The following CFAP54 variants were observed in gnomAD, a reference collection of about 807,000 sequenced individuals.
CFAP54 encodes the protein cilia and flagella associated protein 54, also known as cilia- and flagella-associated protein 54.
A neutral mutation model predicts 370.4 loss-of-function variants in CFAP54; 290 were observed. The observed-to-expected ratio is 0.78, with a 90% CI of 0.71 to 0.86. The LOEUF (loss-of-function observed/expected upper bound fraction) is 0.86, where lower values mean the gene tolerates loss of function less well. Among genes scored for constraint, CFAP54 ranks in the 40% least tolerant of loss-of-function variants. The probability of loss-of-function intolerance (pLI) is 0.00; values close to 1 mark genes in which losing one functional copy is unlikely to be tolerated. For synonymous variants in CFAP54, 1,206 were observed against 1,236.5 expected, an observed-to-expected ratio of 0.98 and a Z score of 0.52; for missense variants, 3,399 against 3,528.7, an observed-to-expected ratio of 0.96 and a Z score of 0.93.
At chr12:96,510,778 A>G (rs1267123661) in intron 4 of CFAP54, among the ~76,000 whole-genome samples, 1 of 152,040 alleles carries the variant, frequency 6.6e-6, no homozygotes, top group South Asian at 2.1e-4. Context: ...CCTGGCCAAC[A>G]TGGCAAGACC....
chr12:96,784,749 A>G lies in CFAP54; in HGVS notation c.8314A>G (p.Thr2772Ala). 1 of 1,528,998 alleles carries G rather than the reference A, an allele frequency of 6.5e-7. No homozygotes were observed. The highest frequency in any genetic ancestry group is 8.7e-7 in the Non-Finnish European group (1 of 1,143,874). The allele number at this position is 1,528,998 out of a possible 1,614,324, so 94.7% of individuals were successfully genotyped here. The change falls in exon 61 of 68, where the codon ACA becomes GCA. Residue 2772 changes from threonine to alanine, a missense_variant. Around this residue, in one of 3 missense-constraint regions of CFAP54, gnomAD observed 2,796 missense variants for 2,869.7 expected, o/e 0.97. Coordinates refer to ENST00000524981, the MANE Select transcript of CFAP54 (RefSeq NM_001306084.2). ...NYQVLFQTSC[T>A]FLYQNDDVCD... ...CCAAGTCCTCTTCCAGACTTCCTGT[A>G]CATTTTTGTACCAAAATGATGATGT...
chr12:96,734,559 T>C (rs1957958786), intron 50 of CFAP54, among the ~76,000 whole-genome samples: 1 of 152,230 alleles, frequency 6.6e-6, no homozygotes, highest in South Asian at 2.1e-4. Context: ...TGCACTGTTA[T>C]TATCATCATT....
intron 67 of CFAP54, among the ~76,000 whole-genome samples, chr12:96,862,601 C>T (rs1376595903): frequency 6.6e-6 from 1 of 151,928 alleles, no homozygotes; most frequent in Non-Finnish European, 1.5e-5. Flanking sequence ...GGGAAAGAAA[C>T]AAAAGACAAG....
rs79243375 is a variant in CFAP54 at position 96,684,987 on chromosome 12, G to A, written c.5805-42G>A. On this transcript the variant is annotated intron_variant, in intron 41 of 67. Coordinates refer to ENST00000524981, the MANE Select transcript of CFAP54 (RefSeq NM_001306084.2). ...TTCTGGAAGATAGATTTAATAATGG[G>A]TCTCAGAAAACTTACTGCTTGATGC... 3.4e-3 allele frequency: 5,329 copies of A among 1,580,622 alleles called. 172 individuals are homozygous for A. The African/African-American group carries it at 0.064, about 19-fold the overall frequency.
intron 45 of CFAP54, among the ~76,000 whole-genome samples, chr12:96,699,338 C>T (rs1020612434): frequency 6.6e-5 from 10 of 152,084 alleles, no homozygotes; most frequent in Admixed American, 2.0e-4. Flanking sequence ...CAAGGAAGTT[C>T]GCGTGAGACA....
Position 96,765,233 on chromosome 12 carries a change from C to G in CFAP54, c.8281+15C>G. On this transcript the variant is annotated intron_variant, in intron 60 of 67. Coordinates refer to ENST00000524981, the MANE Select transcript of CFAP54 (RefSeq NM_001306084.2). ...TTATTTGCTTGGTATGTTTGGATGTCTACATATTATGCAAAAAAACTGATA... is the reference window on the plus strand; with the variant it reads ...TTATTTGCTTGGTATGTTTGGATGTGTACATATTATGCAAAAAAACTGATA... 1.4e-6 allele frequency: 2 copies of G among 1,461,598 alleles called. No individual in the cohort carries two copies. Among genetic ancestry groups the G allele is most frequent in the South Asian group, 1.6e-5 (1 of 62,536 alleles). 90.5% of individuals were successfully genotyped at this position (1,461,598 alleles called of 1,614,324 possible).
At chr12:96,652,420 C>G (rs1181766330) in intron 36 of CFAP54, among the ~76,000 whole-genome samples, 2 of 152,118 alleles carry the variant, frequency 1.3e-5, no homozygotes, top group African/African-American at 2.4e-5. Flanking sequence ...GGTTTTTACA[C>G]TTTATATAAA....
chr12:96,642,404 G>T (rs904242430), intron 32 of CFAP54, among the ~76,000 whole-genome samples: 1 of 152,162 alleles, frequency 6.6e-6, no homozygotes, highest in African/African-American at 2.4e-5. Flanking sequence ...GCTGGGAAAT[G>T]TATTTGTTCA....
Position 96,533,908 on chromosome 12 carries a change from G to T in CFAP54, c.1474G>T (p.Ala492Ser). The change falls in exon 10 of 68, where the codon GCT (alanine) becomes TCT (serine). Residue 492 changes from alanine (A) to serine (S), a missense_variant. By Grantham distance (99) the Ala-to-Ser change is moderately conservative (BLOSUM62 1). Around this residue, in one of 3 missense-constraint regions of CFAP54, gnomAD observed 44 missense variants for 82.3 expected, o/e 0.53. Transcript: ENST00000524981. ...TGCTGCTGTGAAATTTATAAAATTA[G>T]CTTTTACCTATGAGGAGTGGAGTTT... ...VDAAVKFIKLAFTYEEWSLFE... is the reference protein window; with the variant it reads ...VDAAVKFIKLSFTYEEWSLFE... 6.5e-7 allele frequency: 1 copy of T among 1,535,066 alleles called. No individual in the cohort carries two copies. The highest frequency in any genetic ancestry group is 1.2e-5 in the South Asian group (1 of 83,900).
At chr12:96,524,472 A>G (rs1321312854) in intron 8 of CFAP54, among the ~76,000 whole-genome samples, 1 of 151,934 alleles carries the variant, frequency 6.6e-6, no homozygotes, top group African/African-American at 2.4e-5. Context: ...TATTAATTCA[A>G]CAACCATATA....
intron 47 of CFAP54, among the ~76,000 whole-genome samples, chr12:96,705,198 A>G (rs1957534776): frequency 1.3e-5 from 2 of 151,962 alleles, no homozygotes; most frequent in Admixed American, 6.5e-5. Context: ...ATATATACAC[A>G]TGGTTTTTAT....
chr12:96,540,984 C>G lies in CFAP54; in HGVS notation c.2074C>G (p.Leu692Val). 1 of 1,492,170 alleles carries G rather than the reference C, an allele frequency of 6.7e-7. No individual in the cohort carries two copies. Among genetic ancestry groups the G allele is most frequent in the South Asian group, 1.3e-5 (1 of 74,216 alleles). The allele number at this position is 1,492,170 out of a possible 1,614,324, so 92.4% of individuals were successfully genotyped here. ...CCCAGGAAGAAAATTTAAACAATCT[C>G]TAGGTAAAATGTTGGCTGAAAAATT... ...GSPGRKFKQSLDVPLREGTNK... is the reference protein window; with the variant it reads ...GSPGRKFKQSVDVPLREGTNK... The change falls in exon 14 of 68, where the codon CTA becomes GTA. Residue 692 changes from leucine to valine, a missense_variant. Leu to Val is a conservative substitution (Grantham distance 32). Coordinates refer to ENST00000524981, the MANE Select transcript of CFAP54 (RefSeq NM_001306084.2).
chr12:96,621,875 GTTTTTTTTTTTT>G (rs71068819), intron 27 of CFAP54, among the ~76,000 whole-genome samples, 154 bp downstream of exon 27: 10 of 50,034 alleles, frequency 2.0e-4, no homozygotes, highest in Middle Eastern at 0.026. Context: ...TTTTGGGTTT[GTTTTTTTTTTTT>G]TTTTTTTTTT....
In CFAP54 at chr12:96,827,670, T is replaced by G. The variant is rs552886990; in HGVS notation, c.9097-1344T>G. On this transcript the variant is annotated intron_variant, in intron 65 of 67. Transcript: ENST00000524981. Reference sequence around the variant, plus strand: ...ATACATAGTAATATATTATATTATGTATAATTATATATGATACATAGTAAT... The same window carrying G: ...ATACATAGTAATATATTATATTATGGATAATTATATATGATACATAGTAAT... Among the ~76,000 whole-genome samples the G allele has an allele frequency of 1.2e-4, 15 of 130,124 alleles. No individual in the cohort carries two copies. The Admixed American group carries it at 1.2e-3, about 11-fold the overall frequency. 85.4% of individuals were successfully genotyped at this position (130,124 alleles called of 152,430 possible).
intron 63 of CFAP54, among the ~76,000 whole-genome samples, chr12:96,805,509 G>T (rs1592773258): frequency 6.7e-6 from 1 of 148,746 alleles, no homozygotes; most frequent in South Asian, 2.1e-4. Context: ...TCAGAGGAAT[G>T]AATATTAAAA....
intron 17 of CFAP54, among the ~76,000 whole-genome samples, chr12:96,561,127 C>T (rs1690838869): frequency 6.6e-6 from 1 of 152,134 alleles, no homozygotes; most frequent in Admixed American, 6.5e-5. Flanking sequence ...TTGATATGTC[C>T]CTGATTTGGT....
chr12:96,724,075 T>C (rs533549447), intron 50 of CFAP54, among the ~76,000 whole-genome samples: 4 of 152,040 alleles, frequency 2.6e-5, no homozygotes, highest in East Asian at 1.9e-4. Context: ...CAGTCTATCA[T>C]TGATGGACAT....
rs760567105 is a variant in CFAP54 at position 96,644,249 on chromosome 12, G to C, written c.4388G>C (p.Ser1463Thr). The C allele has an allele frequency of 2.0e-6, 3 of 1,535,762 alleles. No homozygotes were observed. Among genetic ancestry groups the C allele is most frequent in the East Asian group, 2.4e-5 (1 of 40,922 alleles). The change falls in exon 33 of 68, where the codon AGT (serine) becomes ACT (threonine). Residue 1463 changes from serine to threonine, a missense_variant. Physicochemically the swap from Ser to Thr is moderately conservative, Grantham distance 58. This residue lies in a region of CFAP54 where 2,796 missense variants were observed against 2,869.7 expected (regional missense o/e 0.97). Coordinates refer to ENST00000524981, the MANE Select transcript of CFAP54 (RefSeq NM_001306084.2). ...LMDYLNPLIL[S>T]YVKRKRFHRL... Reference sequence around the variant, plus strand: ...GATTACTTGAATCCTCTAATATTAAGTTATGTTAAAAGAAAGAGGTTCCAT... The same window carrying C: ...GATTACTTGAATCCTCTAATATTAACTTATGTTAAAAGAAAGAGGTTCCAT...
intron 66 of CFAP54, among the ~76,000 whole-genome samples, chr12:96,840,967 T>C (rs1368993456): frequency 6.6e-6 from 1 of 152,198 alleles, no homozygotes; most frequent in Non-Finnish European, 1.5e-5. Context: ...GCTAAGCTGT[T>C]TATAGCATTT....
Sources: gnomAD v4.1 joint callset for allele counts (sites outside exome capture counted in the v4.1 genomes callset) on GRCh38, gnomAD v4.1.1 for gene constraint, gnomAD v4.1.1 regional missense constraint, MANE v1.5 for transcripts, NCBI Gene and HGNC (gene_info 2026-07-23, HGNC 2026-07-21) for gene names.